The following SLA variants were observed in gnomAD, a reference collection of about 807,000 sequenced individuals.
The protein encoded by SLA is src-like-adapter.
In SLA, 16 loss-of-function variants were observed where a neutral mutation model predicts 30.3. The observed-to-expected ratio is 0.53, with a 90% CI of 0.36 to 0.80. SLA has a LOEUF of 0.80. Ranked by LOEUF, SLA falls within the 30% of genes least tolerant of loss-of-function variation. The probability of loss-of-function intolerance (pLI) is 0.01; values close to 1 mark genes in which losing one functional copy is unlikely to be tolerated. For missense variants in SLA, 310 were observed against 345.2 expected (o/e 0.90, Z 0.81); for synonymous variants, 143 against 137.8 (o/e 1.04, Z -0.26).
chr8:133,070,940 C>A (rs1321583315), intron 2 of SLA, among the ~76,000 whole-genome samples: 2 of 152,196 alleles, frequency 1.3e-5, no homozygotes, highest in African/African-American at 4.8e-5. Context: ...CAATTGTTTC[C>A]CCTAATTTTA....
In SLA at chr8:133,053,966, A is replaced by G. The variant is rs530407516; in HGVS notation, c.62-3051T>C. 4.6e-5 allele frequency among the ~76,000 whole-genome samples: 7 copies of G among 152,258 alleles called. No homozygotes were observed. In the South Asian group the frequency reaches 1.0e-3, roughly 23 times the overall value. ...GATTTCACCTCTCTTTATCATCACC[A>G]TTAGCCAAACGGGACAAAGTCACTG... On this transcript the variant is annotated intron_variant, in intron 3 of 8. Coordinates refer to ENST00000338087, the MANE Select transcript of SLA (RefSeq NM_001045556.3).
intron 3 of SLA, among the ~76,000 whole-genome samples, chr8:133,055,472 G>A (rs139324312): frequency 1.3e-5 from 2 of 151,992 alleles, no homozygotes; most frequent in African/African-American, 4.8e-5. Context: ...AAGGTCTGCC[G>A]AGTTCTGCGG....
chr8:133,051,066 C>T (rs1840320755), intron 3 of SLA, 151 bp from the exon 4 acceptor site: 2 of 618,150 alleles, frequency 3.2e-6, no homozygotes, highest in Admixed American at 5.4e-5. Flanking sequence ...GCAAGGTCCT[C>T]TCTTCAGAGA....
chr8:133,084,010 C>T (rs569130422), intron 1 of SLA, among the ~76,000 whole-genome samples: 2 of 152,314 alleles, frequency 1.3e-5, no homozygotes, highest in East Asian at 3.9e-4. Flanking sequence ...ACCTTCTATG[C>T]CATTCCCTCT....
intron 1 of SLA, among the ~76,000 whole-genome samples, chr8:133,086,012 C>A (rs768518175): frequency 7.9e-5 from 12 of 152,176 alleles, no homozygotes; most frequent in Non-Finnish European, 8.8e-5. Context: ...AATATGGTTT[C>A]TCTATACAAT....
At chr8:133,089,714 T>C (rs1254449295) in intron 1 of SLA, among the ~76,000 whole-genome samples, 1 of 152,166 alleles carries the variant, frequency 6.6e-6, no homozygotes, top group Non-Finnish European at 1.5e-5. Flanking sequence ...GCAATACATA[T>C]TTTGAGTTCC....
chr8:133,085,063 T>A (rs1021314707), intron 1 of SLA, among the ~76,000 whole-genome samples: 1 of 152,212 alleles, frequency 6.6e-6, no homozygotes, highest in Non-Finnish European at 1.5e-5. Flanking sequence ...GCATGTAAAG[T>A]GCTTGGAGCA....
intron 2 of SLA, 44 bp from the exon 3 acceptor site, chr8:133,060,244 G>T: frequency 6.2e-7 from 1 of 1,612,320 alleles, no homozygotes; most frequent in Non-Finnish European, 8.5e-7. Flanking sequence ...CGTGCCCTGA[G>T]CCCTCCAAGT....
At chr8:133,044,204 C>G (rs185736916) in intron 7 of SLA, among the ~76,000 whole-genome samples, 9 of 152,320 alleles carry the variant, frequency 5.9e-5, no homozygotes, top group Admixed American at 5.9e-4. Context: ...TTCACAATTT[C>G]TCCCTTTTCT....
intron 3 of SLA, among the ~76,000 whole-genome samples, chr8:133,058,451 A>G (rs1487459386): frequency 2.0e-5 from 3 of 152,224 alleles, no homozygotes; most frequent in African/African-American, 7.2e-5. Flanking sequence ...GTTGAAGGCA[A>G]ATGAGCAAGC....
intron 1 of SLA, among the ~76,000 whole-genome samples, chr8:133,083,108 C>G (rs1846004334): frequency 6.6e-6 from 1 of 152,096 alleles, no homozygotes; most frequent in South Asian, 2.1e-4. Context: ...TCCCAAGAAC[C>G]ATTTTTAGGC....
intron 7 of SLA, 174 bp from the exon 8 acceptor site, chr8:133,040,304 C>G (rs535624708): frequency 1.5e-6 from 1 of 671,338 alleles, no homozygotes; most frequent in African/African-American, 1.8e-5. Flanking sequence ...ACGCGCCCAG[C>G]TGTTTGAGAA....
chr8:133,065,074 TC>T (rs1391568355), intron 2 of SLA, among the ~76,000 whole-genome samples: 3 of 152,148 alleles, frequency 2.0e-5, no homozygotes, highest in Non-Finnish European at 4.4e-5. Context: ...ATAAGCCCAT[TC>T]ATATAACCTT....
chr8:133,056,794 T>A (rs1246864838), intron 3 of SLA, among the ~76,000 whole-genome samples: 2 of 152,276 alleles, frequency 1.3e-5, no homozygotes, highest in African/African-American at 4.8e-5. Flanking sequence ...ACTAAGGAGA[T>A]AAACTCTTTC....
chr8:133,042,678 C>CCTTTTTTTTTTTTTTTTTT (rs1554706932), intron 7 of SLA, among the ~76,000 whole-genome samples: 8 of 56,768 alleles, frequency 1.4e-4, no homozygotes, highest in African/African-American at 2.1e-4. Flanking sequence ...CATTCTGTGT[C>CCTTTTTTTTTTTTTTTTTT]TTTTTTTTTT....
At chr8:133,098,743 A>G (rs996558847) in intron 1 of SLA, among the ~76,000 whole-genome samples, 3 of 152,176 alleles carry the variant, frequency 2.0e-5, no homozygotes, top group African/African-American at 4.8e-5. Context: ...TGGAAATGCC[A>G]TCCATCAGGG....
intron 1 of SLA, among the ~76,000 whole-genome samples, chr8:133,083,951 C>T (rs1378890719): frequency 6.6e-6 from 1 of 152,220 alleles, no homozygotes; most frequent in Non-Finnish European, 1.5e-5. Context: ...TCAGCCCAGG[C>T]CATGCCTCCT....
At chr8:133,038,927 G>A (rs189094351) in intron 8 of SLA, among the ~76,000 whole-genome samples, 190 bp from the exon 9 acceptor site, 4 of 151,968 alleles carry the variant, frequency 2.6e-5, no homozygotes, top group Non-Finnish European at 5.9e-5. Flanking sequence ...GCCCAGGCTG[G>A]AGTGCAGTGG....
chr8:133,041,003 G>A lies in SLA; in HGVS notation c.485-873C>T, dbSNP rs1373546064. On this transcript the variant is annotated intron_variant, in intron 7 of 8. Transcript: ENST00000338087. ...CCAGGCACATTACGATGTAGCTTCC[G>A]TCTCTTGGAAGGCTTCTCCCTAGCC... is the stretch of plus-strand genomic sequence containing the variant. Among the ~76,000 whole-genome samples the A allele has an allele frequency of 7.9e-5, 12 of 152,268 alleles. No homozygotes were observed. The East Asian group carries it at 1.2e-3, about 15-fold the overall frequency.
Sources: gnomAD v4.1 joint callset for allele counts (sites outside exome capture counted in the v4.1 genomes callset) on GRCh38, gnomAD v4.1.1 for gene constraint, MANE v1.5 for transcripts, NCBI Gene and HGNC (gene_info 2026-07-23, HGNC 2026-07-21) for gene names.